PDE1C: variants seen among roughly 807,000 people sequenced by gnomAD.
The protein encoded by PDE1C is dual specificity calcium/calmodulin-dependent 3',5'-cyclic nucleotide phosphodiesterase 1C.
A neutral mutation model predicts 93.1 loss-of-function variants in PDE1C; 62 were observed. The ratio of observed to expected loss-of-function variants is 0.67; its 90% CI spans 0.54 to 0.82. PDE1C has a LOEUF of 0.82. Ranked by LOEUF, PDE1C falls within the 40% of genes least tolerant of loss-of-function variation. The probability of loss-of-function intolerance (pLI) is 0.00; values close to 1 mark genes in which losing one functional copy is unlikely to be tolerated. For synonymous variants in PDE1C, 325 were observed against 310.1 expected, an observed-to-expected ratio of 1.05 and a Z score of -0.50; for missense variants, 742 against 884.6, an observed-to-expected ratio of 0.84 and a Z score of 2.04.
chr7:32,249,867 T>G (rs1809236288), intron 1 of PDE1C, among the ~76,000 whole-genome samples: 1 of 152,178 alleles, frequency 6.6e-6, no homozygotes. Flanking sequence ...AGGGTTACCT[T>G]TGAAAATCCC....
At chr7:32,230,543 T>G (rs1807620907) in intron 1 of PDE1C, among the ~76,000 whole-genome samples, 1 of 152,048 alleles carries the variant, frequency 6.6e-6, no homozygotes, top group Admixed American at 6.6e-5. Flanking sequence ...CAACAAACAC[T>G]GGAGCTCAGG....
At chr7:31,708,214 G>C in the PDE1C span, 1 of 152,232 alleles carries the variant, frequency 6.6e-6, no homozygotes, top group African/African-American at 2.4e-5. Flanking sequence ...GCCCCAGCCT[G>C]CAATCTGTGG....
rs377738692 is a variant in PDE1C, at chr7:31,788,640, A to G, written c.1892-12908T>C. On this transcript the variant is annotated intron_variant, in intron 16 of 17. Transcript: ENST00000396191. ...TTTACCACAATGACTGTGATATTACATGGCTTGCTTTATTCATTTACTTGA... is the reference window on the plus strand; with the variant it reads ...TTTACCACAATGACTGTGATATTACGTGGCTTGCTTTATTCATTTACTTGA... The G allele has an allele frequency of 9.2e-5, 14 of 152,310 alleles. No homozygotes were observed. In the East Asian group the frequency reaches 2.7e-3, roughly 29 times the overall value. The allele number at this position is 152,310 out of a possible 1,614,324, so 9.4% of individuals were successfully genotyped here. A position where few individuals can be genotyped will look rare whatever the true frequency, so the allele number is the denominator to read the frequency against.
At chr7:32,313,471 C>T (rs1331818122) in intron 1 of PDE1C, among the ~76,000 whole-genome samples, 3 of 151,920 alleles carry the variant, frequency 2.0e-5, no homozygotes, top group Non-Finnish European at 2.9e-5. Flanking sequence ...TATTGCAGCA[C>T]TATTCACAAT....
chr7:32,320,393 T>C (rs756318873), intron 1 of PDE1C, among the ~76,000 whole-genome samples: 1 of 152,062 alleles, frequency 6.6e-6, no homozygotes, highest in African/African-American at 2.4e-5. Context: ...TCAGGAAGAA[T>C]AGCTAATAGA....
chr7:31,790,065 C>A (rs760394959), intron 16 of PDE1C: 4 of 1,418,630 alleles, frequency 2.8e-6, no homozygotes, highest in Non-Finnish European at 3.7e-6. Flanking sequence ...AGATTCATCC[C>A]CTGGAAGGAG....
chr7:32,085,956 C>A (rs962697367), intron 3 of PDE1C, among the ~76,000 whole-genome samples: 1 of 151,012 alleles, frequency 6.6e-6, no homozygotes, highest in African/African-American at 2.4e-5. Context: ...GACAGGGATG[C>A]CCTCTCTCAC....
At chr7:32,127,426 T>C (rs1799651303) in intron 3 of PDE1C, among the ~76,000 whole-genome samples, 1 of 152,090 alleles carries the variant, frequency 6.6e-6, no homozygotes, top group African/African-American at 2.4e-5. Context: ...AGTACTTTAC[T>C]ATAATAGGAA....
At chr7:32,029,077 A>C (rs1789899966) in intron 2 of PDE1C, among the ~76,000 whole-genome samples, 1 of 152,188 alleles carries the variant, frequency 6.6e-6, no homozygotes, top group Non-Finnish European at 1.5e-5. Context: ...AAAAATGGGC[A>C]AGGGACCTAA....
chr7:31,697,013 A>C, the PDE1C span: 12 of 1,614,108 alleles, frequency 7.4e-6, no homozygotes, highest in South Asian at 1.1e-5. Context: ...CAAGAGAGAC[A>C]TCCAAAGGGC....
intron 2 of PDE1C, among the ~76,000 whole-genome samples, chr7:32,176,294 A>G (rs1187462735): frequency 6.6e-6 from 1 of 152,186 alleles, no homozygotes; most frequent in Non-Finnish European, 1.5e-5. Flanking sequence ...TATAAGTGAA[A>G]AAAAAACCGC....
chr7:32,024,790 T>C (rs1789180707), intron 2 of PDE1C, among the ~76,000 whole-genome samples: 1 of 152,086 alleles, frequency 6.6e-6, no homozygotes, highest in Admixed American at 6.6e-5. Flanking sequence ...TCAACAACCA[T>C]GTTTTGAACA....
chr7:31,720,725 G>T, the PDE1C span, among the ~76,000 whole-genome samples: 2 of 152,138 alleles, frequency 1.3e-5, no homozygotes, highest in Non-Finnish European at 2.9e-5. Context: ...TCCCCTCCTA[G>T]AGCTTTGCTC....
intron 1 of PDE1C, among the ~76,000 whole-genome samples, chr7:32,368,711 A>C (rs1784269869): frequency 6.6e-6 from 1 of 152,170 alleles, no homozygotes; most frequent in South Asian, 2.1e-4. Context: ...CCTAAGCAAA[A>C]AGAACAAAGC....
At chr7:31,963,588 G>A (rs1206560035) in intron 2 of PDE1C, among the ~76,000 whole-genome samples, 1 of 152,088 alleles carries the variant, frequency 6.6e-6, no homozygotes, top group Non-Finnish European at 1.5e-5. Flanking sequence ...TATTTATTCT[G>A]AATTTCCTGT....
intron 2 of PDE1C, among the ~76,000 whole-genome samples, chr7:32,174,115 T>C (rs912437240): frequency 4.6e-5 from 7 of 152,084 alleles, no homozygotes; most frequent in Non-Finnish European, 8.8e-5. Context: ...TCTGCATTAA[T>C]GAAGATCAGT....
At position 31,753,432 on chromosome 7, in the gene PDE1C, G is replaced by C. The variant is rs115615674; in HGVS notation, c.2082C>G (p.Ile694Met). ...AGATGTTCTGAATCTTTTTCATTTT[G>C]ATCCTCTGATCCAGCATCTTGTACC... The part of the protein sequence containing the change: ...PARYKMLDQR[I>M]KMKKIQNISH... Residue 694 changes from isoleucine to methionine, a missense_variant, in exon 18 of 18, where the codon ATC (isoleucine) becomes ATG (methionine). This residue lies in a region of PDE1C where 454 missense variants were observed against 459.4 expected (regional missense o/e 0.99). Coordinates refer to ENST00000396191, the MANE Select transcript of PDE1C (RefSeq NM_001191057.4). 9.1e-4 allele frequency: 1,467 copies of C among 1,611,728 alleles called. 9 individuals are homozygous for C. The African/African-American group carries it at 0.017, about 19-fold the overall frequency.
chr7:32,269,994 T>C (rs1238321179), intron 1 of PDE1C, among the ~76,000 whole-genome samples: 1 of 152,104 alleles, frequency 6.6e-6, no homozygotes, highest in Non-Finnish European at 1.5e-5. Context: ...TAGGCCAGTC[T>C]CAAACTCCTG....
At chr7:31,738,230 T>G in the PDE1C span, among the ~76,000 whole-genome samples, 1 of 152,152 alleles carries the variant, frequency 6.6e-6, no homozygotes, top group African/African-American at 2.4e-5. Flanking sequence ...GGTGTATCAG[T>G]CTGTTCTCAC....
Sources: allele counts gnomAD v4.1 joint callset (sites outside exome capture counted in the v4.1 genomes callset), GRCh38; gene constraint gnomAD v4.1.1; regional missense constraint gnomAD v4.1.1; transcripts MANE v1.5; gene names NCBI Gene and HGNC (gene_info 2026-07-23, HGNC 2026-07-21).